The following RC3H2 variants were observed in gnomAD, a reference collection of about 807,000 sequenced individuals.
RC3H2 encodes the protein ring finger and CCCH-type domains 2.
RC3H2 carries 31 observed loss-of-function variants against 133.3 expected under a neutral mutation model. The observed-to-expected ratio is 0.23, with a 90% CI of 0.17 to 0.31. The LOEUF is 0.31. Ranked by LOEUF, RC3H2 falls within the 10% of genes least tolerant of loss-of-function variation. The probability of loss-of-function intolerance (pLI) is 1.00; values close to 1 mark genes in which losing one functional copy is unlikely to be tolerated. For missense variants in RC3H2, 1,175 were observed against 1,437.2 expected (o/e 0.82, Z 2.95); for synonymous variants, 517 against 502.2 (o/e 1.03, Z -0.40).
chr9:122,860,228 T>C (rs1830404885), intron 10 of RC3H2, 97 bp from the exon 11 acceptor site: 3 of 912,964 alleles, frequency 3.3e-6, no homozygotes, highest in South Asian at 3.2e-5. Context: ...CTGAAACCAC[T>C]AATAGAAAAC....
At chr9:122,875,235 C>T (rs1242376617) in intron 9 of RC3H2, 1 of 1,551,044 alleles carries the variant, frequency 6.4e-7, no homozygotes, top group African/African-American at 1.4e-5. Flanking sequence ...CATGTTTCTG[C>T]TCTTTTCACT....
At chr9:122,868,922 G>GTT (rs1830922421) in intron 9 of RC3H2, among the ~76,000 whole-genome samples, 4 of 109,452 alleles carry the variant, frequency 3.7e-5, no homozygotes, top group East Asian at 4.0e-4. Context: ...TTGTGGGGGG[G>GTT]TTAAGTTCCA....
chr9:122,904,732 C>G (rs957822265), intron 1 of RC3H2, among the ~76,000 whole-genome samples: 1 of 152,166 alleles, frequency 6.6e-6, no homozygotes, highest in African/African-American at 2.4e-5. Flanking sequence ...GGGCAGAAAG[C>G]TGAAAAGCTA....
intron 4 of RC3H2, among the ~76,000 whole-genome samples, chr9:122,884,489 C>T (rs1831809058): frequency 6.6e-6 from 1 of 152,102 alleles, no homozygotes; most frequent in Admixed American, 6.6e-5. Flanking sequence ...ATTTATGTTG[C>T]TTTACAGCCA....
intron 2 of RC3H2, among the ~76,000 whole-genome samples, chr9:122,895,615 T>G (rs577317640): frequency 6.6e-6 from 1 of 152,266 alleles, no homozygotes; most frequent in Non-Finnish European, 1.5e-5. Context: ...CTTGATTTCA[T>G]AGTGTGTAAC....
intron 4 of RC3H2, chr9:122,890,062 A>G (rs1309377837): frequency 1.7e-6 from 1 of 593,986 alleles, no homozygotes. Context: ...GAATTGCTTG[A>G]GCATGGATGT....
At chr9:122,854,412 T>C (rs1435471798) in intron 16 of RC3H2, 119 bp downstream of exon 16, 3 of 1,163,116 alleles carry the variant, frequency 2.6e-6, no homozygotes, top group Non-Finnish European at 3.8e-6. Context: ...TTCAGAAATT[T>C]GTTATATAGC....
At chr9:122,886,635 G>T (rs1040853862) in intron 4 of RC3H2, among the ~76,000 whole-genome samples, 1 of 152,136 alleles carries the variant, frequency 6.6e-6, no homozygotes, top group Admixed American at 6.5e-5. Context: ...AGTTACAGTG[G>T]GCTATAAGCG....
At chr9:122,870,204 G>A (rs1425391024) in intron 9 of RC3H2, among the ~76,000 whole-genome samples, 8 of 151,830 alleles carry the variant, frequency 5.3e-5, no homozygotes, top group African/African-American at 1.9e-4. Flanking sequence ...GTGAAACCCC[G>A]TCTCTATTAA....
rs1830714205 is a variant in RC3H2 at position 122,867,038 on chromosome 9, G to A, written c.1326-1381C>T. Reference sequence around the variant, plus strand: ...CCGCCCCGTCTGGGATGTGAGGAGCGCCTCTGCCTGGCCGCGACCCCGTCT... The same window carrying A: ...CCGCCCCGTCTGGGATGTGAGGAGCACCTCTGCCTGGCCGCGACCCCGTCT... On this transcript the variant is annotated intron_variant, in intron 9 of 20. Coordinates refer to ENST00000357244, the MANE Select transcript of RC3H2 (RefSeq NM_001100588.3). 4.4e-5 allele frequency among the ~76,000 whole-genome samples: 6 copies of A among 137,008 alleles called. No individual in the cohort carries two copies. In the South Asian group the frequency reaches 1.1e-3, roughly 24 times the overall value. 89.9% of individuals were successfully genotyped at this position (137,008 alleles called of 152,430 possible).
At position 122,897,453 on chromosome 9, in the gene RC3H2, A is replaced by G. The variant is rs750452906; in HGVS notation, c.57T>C (p.Asn19=). 1 of 1,614,216 alleles carries G rather than the reference A, an allele frequency of 6.2e-7. No individual in the cohort carries two copies. Among genetic ancestry groups the G allele is most frequent in the African/African-American group, 1.3e-5 (1 of 75,066 alleles). ...TEFLSCPICY[N]EFDENVHKPI... ...GTTTGTGCACATTCTCATCAAATTC[A>G]TTATAGCAGATTGGACAGGACAGAA... The change falls in exon 2 of 21, where the codon AAT becomes AAC. Residue 19 remains asparagine (N), a synonymous_variant. Coordinates refer to ENST00000357244, the MANE Select transcript of RC3H2 (RefSeq NM_001100588.3).
intron 18 of RC3H2, among the ~76,000 whole-genome samples, chr9:122,851,899 A>G (rs1298462286): frequency 6.6e-6 from 1 of 152,300 alleles, no homozygotes; most frequent in East Asian, 1.9e-4. Flanking sequence ...CCGAGATTGC[A>G]GCCTCTGCCC....
chr9:122,888,309 T>G (rs763463677), intron 4 of RC3H2, among the ~76,000 whole-genome samples: 4 of 152,222 alleles, frequency 2.6e-5, no homozygotes, highest in Admixed American at 6.5e-5. Context: ...GCTTTATTTT[T>G]AGGTATTATT....
At chr9:122,866,988 A>G (rs1354018861) in intron 9 of RC3H2, among the ~76,000 whole-genome samples, 2 of 122,394 alleles carry the variant, frequency 1.6e-5, no homozygotes, top group Non-Finnish European at 3.4e-5. Context: ...CCATTGTCTG[A>G]GATGTGGGGA....
In RC3H2 at chr9:122,858,899, G is replaced by A; in HGVS notation, c.2053C>T (p.Pro685Ser). 6.2e-7 allele frequency: 1 copy of A among 1,614,258 alleles called. No homozygotes were observed. Among genetic ancestry groups the A allele is most frequent in the Non-Finnish European group, 8.5e-7 (1 of 1,180,044 alleles). Residue 685 changes from proline (P) to serine (S), a missense_variant, in exon 12 of 21, where the codon CCA (proline) becomes TCA (serine). By Grantham distance (74) the Pro-to-Ser change is moderately conservative. Transcript: ENST00000357244. ...PPPQPYGPVP[P>S]VPSGMYAPVY... ...GGAGCATACATTCCAGAAGGTACTG[G>A]AGGAACTGGTCCATACGGCTGCGGA...
At chr9:122,866,417 CCT>C (rs1185992480) in intron 9 of RC3H2, among the ~76,000 whole-genome samples, 1 of 146,178 alleles carries the variant, frequency 6.8e-6, no homozygotes, top group African/African-American at 2.5e-5. Context: ...CCACGGTCTC[CCT>C]CTCCCTCTCT....
rs1490136128 is a variant in RC3H2 at position 122,905,126 on chromosome 9, G to A, written c.-84C>T. 1 of 985,292 alleles carries A rather than the reference G, an allele frequency of 1.0e-6. No individual in the cohort carries two copies. Among genetic ancestry groups the A allele is most frequent in the African/African-American group, 1.7e-5 (1 of 57,246 alleles). 61.0% of individuals were successfully genotyped at this position (985,292 alleles called of 1,614,324 possible). A position where few individuals can be genotyped will look rare whatever the true frequency, so the allele number is the denominator to read the frequency against. The stretch of plus-strand genomic sequence containing the variant: ...CCGCCCTACCTGAGGGGGCCCGGGC[G>A]GGGTCGCTAAGGGCCGCTCCCGGGA... On this transcript the variant is annotated 5_prime_UTR_variant, in exon 1 of 21. Transcript: ENST00000357244.
chr9:122,851,838 G>C (rs1439020377), intron 18 of RC3H2, among the ~76,000 whole-genome samples: 3 of 152,212 alleles, frequency 2.0e-5, no homozygotes, highest in Non-Finnish European at 2.9e-5. Flanking sequence ...GCGTGATCTC[G>C]GCTCGCTACA....
At chr9:122,853,729 A>G in intron 18 of RC3H2, 1 of 1,224,482 alleles carries the variant, frequency 8.2e-7, no homozygotes, top group Non-Finnish European at 1.1e-6. Context: ...TCCAGGCGAT[A>G]GAGCAAGATT....
Sources: allele counts gnomAD v4.1 joint callset (sites outside exome capture counted in the v4.1 genomes callset), GRCh38; gene constraint gnomAD v4.1.1; transcripts MANE v1.5; gene names NCBI Gene and HGNC (gene_info 2026-07-23, HGNC 2026-07-21).